FLT3: variants seen among roughly 807,000 people sequenced by gnomAD.
FLT3 encodes fms related receptor tyrosine kinase 3.
Under a neutral mutation model 126.6 loss-of-function variants are expected in FLT3, and 46 were observed. The observed-to-expected ratio is 0.36, with a 90% CI of 0.29 to 0.46. The LOEUF (loss-of-function observed/expected upper bound fraction) is 0.46, where lower values mean the gene tolerates loss of function less well. Among genes scored for constraint, FLT3 ranks in the 20% least tolerant of loss-of-function variants. FLT3 has a pLI of 1.00. For synonymous variants in FLT3, 404 were observed against 434.4 expected (o/e 0.93, Z 0.87); for missense variants, 1,069 against 1,190.3 (o/e 0.90, Z 1.50).
chr13:28,092,991 G>A (rs1483891717), intron 1 of FLT3, among the ~76,000 whole-genome samples: 3 of 143,278 alleles, frequency 2.1e-5, no homozygotes, highest in Admixed American at 7.2e-5. Flanking sequence ...GTGTGATCTC[G>A]GCTCGCTGCA....
chr13:28,013,492 C>T (rs1204595593), intron 23 of FLT3, among the ~76,000 whole-genome samples: 1 of 152,238 alleles, frequency 6.6e-6, no homozygotes, highest in Admixed American at 6.5e-5. Flanking sequence ...AAGATCTGAA[C>T]CTCAGTATTA....
chr13:28,044,804 A>G (rs9512996), intron 9 of FLT3, among the ~76,000 whole-genome samples: 93,190 of 152,062 alleles, frequency 0.61, 28,647 homozygotes, highest in East Asian at 0.84. Flanking sequence ...AACCATGTGC[A>G]TGGTCCTTGC....
intron 9 of FLT3, among the ~76,000 whole-genome samples, chr13:28,043,466 A>G (rs1874564460): frequency 6.6e-6 from 1 of 152,210 alleles, no homozygotes; most frequent in Non-Finnish European, 1.5e-5. Flanking sequence ...CCATGACCAC[A>G]CCAAAGTTTT....
rs771026522 is a variant in FLT3 at position 28,015,645 on chromosome 13, G to T, written c.2598C>A (p.Thr866=). The T allele has an allele frequency of 4.3e-6, 7 of 1,613,666 alleles. No homozygotes were observed. Among genetic ancestry groups the T allele is most frequent in the Non-Finnish European group, 5.1e-6 (6 of 1,179,766 alleles). ...CATATGACCAGACATCACTCTTAAT[G>T]GTGTAGATGCCTTCAAACAGGCTTT... is the stretch of plus-strand genomic sequence containing the variant. ...APESLFEGIY[T]IKSDVWSYGI... Residue 866 remains threonine, a synonymous_variant, in exon 21 of 24, where the codon ACC becomes ACA. Coordinates refer to ENST00000241453, the MANE Select transcript of FLT3 (RefSeq NM_004119.3).
At chr13:28,027,034 A>G in intron 17 of FLT3, 54 bp downstream of exon 17, 1 of 1,520,212 alleles carries the variant, frequency 6.6e-7, no homozygotes, top group African/African-American at 1.4e-5. Flanking sequence ...TGAACAGCAC[A>G]CTTTGCCTAC....
rs185281853 is a variant in FLT3, at chr13:28,021,443, T to C, written c.2418+1907A>G. Among the ~76,000 whole-genome samples the C allele has an allele frequency of 1.1e-4, 17 of 152,052 alleles. No homozygotes were observed. In the East Asian group the frequency reaches 3.1e-3, roughly 28 times the overall value. ...CAGGATTGTAGTTGTATAAGTGAAA[T>C]AGAGAAAGACTCAGGTGGGCAAGAT... On this transcript the variant is annotated intron_variant, in intron 19 of 23. Coordinates refer to ENST00000241453, the MANE Select transcript of FLT3 (RefSeq NM_004119.3).
chr13:28,013,084 A>G (rs541511184), intron 23 of FLT3, among the ~76,000 whole-genome samples: 7 of 152,198 alleles, frequency 4.6e-5, no homozygotes, highest in African/African-American at 7.2e-5. Flanking sequence ...GCAATAGGCT[A>G]TAAGTCTGCT....
At chr13:28,040,980 A>T (rs1874326272) in intron 9 of FLT3, among the ~76,000 whole-genome samples, 1 of 150,844 alleles carries the variant, frequency 6.6e-6, no homozygotes, top group Non-Finnish European at 1.5e-5. Context: ...AAAAAAAAAA[A>T]TGCTGAGCAT....
chr13:28,030,785 G>A (rs1217364485), intron 15 of FLT3, among the ~76,000 whole-genome samples: 1 of 152,138 alleles, frequency 6.6e-6, no homozygotes, highest in East Asian at 1.9e-4. Flanking sequence ...GTGCCTGCAT[G>A]TAGTTCCAGT....
In FLT3 at chr13:28,017,885, C is replaced by T. The variant is rs529686470; in HGVS notation, c.2541+582G>A. Reference sequence around the variant, plus strand: ...TTCACCATATTAGTCAGGCTGGTATCGAACTCCTGACCTCATGATCTGCCC... The same window carrying T: ...TTCACCATATTAGTCAGGCTGGTATTGAACTCCTGACCTCATGATCTGCCC... On this transcript the variant is annotated intron_variant, in intron 20 of 23. Transcript: ENST00000241453. 2.6e-5 allele frequency among the ~76,000 whole-genome samples: 4 copies of T among 152,082 alleles called. 1 individual carries two copies. The highest frequency in any genetic ancestry group is 9.6e-5 in the African/African-American group (4 of 41,522).
chr13:28,024,857 T>G lies in FLT3; in HGVS notation c.2290+4A>C. The G allele has an allele frequency of 4.4e-6, 7 of 1,575,330 alleles. No homozygotes were observed. Among genetic ancestry groups the G allele is most frequent in the Non-Finnish European group, 6.1e-6 (7 of 1,151,178 alleles). On this transcript the variant is annotated splice_donor_region_variant and intron_variant, in intron 18 of 23. Coordinates refer to ENST00000241453, the MANE Select transcript of FLT3 (RefSeq NM_004119.3). ...AAGTGCTACTACTTAGAATAAAATA[T>G]TACCTTCAGAGTGAAATGAATTCCC...
intron 3 of FLT3, 81 bp from the exon 4 acceptor site, chr13:28,057,543 G>A: frequency 4.0e-6 from 3 of 747,846 alleles, no homozygotes; most frequent in South Asian, 1.5e-5. Flanking sequence ...TAAAAAGGCA[G>A]TTTGGTACTC....
chr13:28,076,686 G>C (rs11617968), intron 1 of FLT3, among the ~76,000 whole-genome samples: 108,210 of 152,060 alleles, frequency 0.71, 40,246 homozygotes, highest in East Asian at 0.95. Context: ...TCAGCACTTT[G>C]GGAGGCCAAG....
intron 1 of FLT3, among the ~76,000 whole-genome samples, chr13:28,084,182 G>A (rs1878504958): frequency 6.6e-6 from 1 of 151,664 alleles, no homozygotes; most frequent in Non-Finnish European, 1.5e-5. Flanking sequence ...TTTGGGAGAC[G>A]AGGTCTTGCT....
At chr13:28,050,031 T>C in intron 6 of FLT3, 64 bp downstream of exon 6, 2 of 1,557,384 alleles carry the variant, frequency 1.3e-6, no homozygotes, top group Non-Finnish European at 1.8e-6. Context: ...CAGTTACTGT[T>C]AGTCCCTGAT....
rs1877419954 is a variant in FLT3 at position 28,070,586 on chromosome 13, T to C, written c.70A>G (p.Thr24Ala). The C allele has an allele frequency of 3.7e-6, 6 of 1,602,460 alleles. No individual in the cohort carries two copies. The highest frequency in any genetic ancestry group is 2.2e-5 in the East Asian group (1 of 44,762). ...LVVFSAMIFG[T>A]ITNQDLPVIK... ...ACAGGCAGATCTTGATTTGTAATAGTCCCAAATATCATTGCAGAAAAAACA... is the reference window on the plus strand; with the variant it reads ...ACAGGCAGATCTTGATTTGTAATAGCCCCAAATATCATTGCAGAAAAAACA... The change falls in exon 2 of 24, where the codon ACT becomes GCT. Residue 24 changes from threonine to alanine, a missense_variant. By Grantham distance (58) the Thr-to-Ala change is moderately conservative. Transcript: ENST00000241453.
chr13:28,068,351 TC>T (rs1877212305), intron 2 of FLT3: 2 of 152,122 alleles, frequency 1.3e-5, no homozygotes, highest in African/African-American at 4.8e-5. Context: ...TGGATGTGTG[TC>T]CCCTCCAAAG....
At chr13:28,055,919 G>T (rs1031616629) in intron 4 of FLT3, among the ~76,000 whole-genome samples, 42 of 152,182 alleles carry the variant, frequency 2.8e-4, no homozygotes, top group African/African-American at 9.7e-4. Flanking sequence ...GAACATGACC[G>T]ACATTAAAGA....
intron 1 of FLT3, among the ~76,000 whole-genome samples, chr13:28,096,932 A>G (rs1244830422): frequency 6.6e-6 from 1 of 152,174 alleles, no homozygotes; most frequent in African/African-American, 2.4e-5. Flanking sequence ...CTAGCAAGAA[A>G]TAGGTATTCT....
Sources: gnomAD v4.1 joint callset for allele counts (sites outside exome capture counted in the v4.1 genomes callset) on GRCh38, gnomAD v4.1.1 for gene constraint, MANE v1.5 for transcripts, NCBI Gene and HGNC (gene_info 2026-07-23, HGNC 2026-07-21) for gene names.